Variants in HECW1 observed in about 807,000 individuals in gnomAD.
The protein encoded by HECW1 is HECT, C2 and WW domain containing E3 ubiquitin protein ligase 1, also known as E3 ubiquitin-protein ligase HECW1.
In HECW1, 61 loss-of-function variants were observed where a neutral mutation model predicts 182.3. The observed-to-expected ratio is 0.33, with a 90% CI of 0.27 to 0.41. The LOEUF (loss-of-function observed/expected upper bound fraction) is 0.41. Among genes scored for constraint, HECW1 ranks in the 10% least tolerant of loss-of-function variants. The pLI is 1.00. For synonymous variants in HECW1, 859 were observed against 832.6 expected (o/e 1.03, Z -0.55); for missense variants, 1,739 against 2,108.9 (o/e 0.82, Z 3.44).
At chr7:43,255,241 T>A (rs11760767) in intron 3 of HECW1, among the ~76,000 whole-genome samples, 55,417 of 151,974 alleles carry the variant, frequency 0.36, 11,358 homozygotes, top group African/African-American at 0.56. Flanking sequence ...CTGGAGAGAG[T>A]CAAGTACTGT....
At position 43,467,827 on chromosome 7, in the gene HECW1, G is replaced by A. The variant is rs147538579; in HGVS notation, c.2914-1093G>A. Among the ~76,000 whole-genome samples, 33 of 152,298 alleles carry A rather than the reference G, an allele frequency of 2.2e-4. 1 individual carries two copies. The Middle Eastern group carries it at 0.014, about 63-fold the overall frequency. On this transcript the variant is annotated intron_variant, in intron 15 of 29. Coordinates refer to ENST00000395891, the MANE Select transcript of HECW1 (RefSeq NM_015052.5). ...TGGGCACCTGAGTGAGGCAGTGACC[G>A]CACTAAGCTGGAGGTGGAGTTTGAC...
At chr7:43,357,444 A>G (rs1040520508) in intron 5 of HECW1, among the ~76,000 whole-genome samples, 2 of 152,206 alleles carry the variant, frequency 1.3e-5, no homozygotes, top group Admixed American at 1.3e-4. Flanking sequence ...TCATTATGTT[A>G]AGTGAAATAA....
At chr7:43,556,689 A>G (rs906471096) in intron 29 of HECW1, among the ~76,000 whole-genome samples, 5 of 132,254 alleles carry the variant, frequency 3.8e-5, no homozygotes, top group Non-Finnish European at 9.0e-5. Flanking sequence ...CCTTGTCTCA[A>G]ATTAAATTAA....
intron 2 of HECW1, among the ~76,000 whole-genome samples, chr7:43,187,668 G>T (rs911151741): frequency 2.0e-5 from 3 of 151,884 alleles, no homozygotes; most frequent in South Asian, 2.1e-4. Context: ...TATATTAACC[G>T]TGATAATCTT....
chr7:43,251,159 T>C (rs1004366524), intron 3 of HECW1, among the ~76,000 whole-genome samples: 4 of 152,078 alleles, frequency 2.6e-5, no homozygotes, highest in African/African-American at 9.7e-5. Context: ...CAAGGGGTGG[T>C]GAAGGTGCCA....
chr7:43,338,849 G>A (rs771404659), intron 5 of HECW1, among the ~76,000 whole-genome samples: 3 of 151,702 alleles, frequency 2.0e-5, no homozygotes, highest in Non-Finnish European at 4.4e-5. Flanking sequence ...GTTCCCTTTA[G>A]TATTTCTTTT....
intron 2 of HECW1, among the ~76,000 whole-genome samples, chr7:43,228,604 A>G (rs1389108140): frequency 6.6e-6 from 1 of 152,198 alleles, no homozygotes; most frequent in Non-Finnish European, 1.5e-5. Context: ...TCACTTGGCT[A>G]TGTATTCATA....
chr7:43,507,888 G>A, intron 22 of HECW1, 130 bp from the exon 23 acceptor site: 1 of 623,924 alleles, frequency 1.6e-6, no homozygotes, highest in Non-Finnish European at 2.9e-6. Context: ...CGGAACCTGG[G>A]TCCTGCTCTT....
intron 11 of HECW1, among the ~76,000 whole-genome samples, chr7:43,448,470 T>C (rs2077131912): frequency 6.6e-6 from 1 of 152,186 alleles, no homozygotes. Flanking sequence ...CCAAGTTACC[T>C]AGCTGTTCTG....
At chr7:43,161,323 A>G (rs765674169) in intron 2 of HECW1, among the ~76,000 whole-genome samples, 36 of 152,216 alleles carry the variant, frequency 2.4e-4, no homozygotes, top group Middle Eastern at 6.8e-3. Context: ...AATGTTTTAG[A>G]TTCAGTCTGA....
intron 7 of HECW1, among the ~76,000 whole-genome samples, chr7:43,406,283 G>A (rs1406905302): frequency 6.6e-6 from 1 of 152,150 alleles, no homozygotes; most frequent in African/African-American, 2.4e-5. Context: ...CGACAAACTG[G>A]ATTTGTCTGC....
chr7:43,456,534 C>T (rs758927466), intron 13 of HECW1, 87 bp downstream of exon 13: 117 of 1,332,640 alleles, frequency 8.8e-5, no homozygotes, highest in Non-Finnish European at 1.2e-4. Context: ...CTTTTCTGCT[C>T]AGACTGTATG....
In HECW1 at chr7:43,550,607, C is replaced by G; in HGVS notation, c.4395+16C>G. 1 of 1,585,044 alleles carries G rather than the reference C, an allele frequency of 6.3e-7. No individual in the cohort carries two copies. Among genetic ancestry groups the G allele is most frequent in the Non-Finnish European group, 8.6e-7 (1 of 1,166,560 alleles). On this transcript the variant is annotated intron_variant, in intron 27 of 29. Transcript: ENST00000395891. ...CTTCTACGAGGTGAGGCCCGGTGGC[C>G]TGGGGAAGGCAAGCTGTGGCCAGGG...
At chr7:43,476,048 C>A (rs1484885470) in intron 16 of HECW1, among the ~76,000 whole-genome samples, 2 of 151,628 alleles carry the variant, frequency 1.3e-5, no homozygotes, top group African/African-American at 4.8e-5. Flanking sequence ...AAGTACTCAC[C>A]AATATTACAA....
intron 3 of HECW1, among the ~76,000 whole-genome samples, chr7:43,266,173 T>C (rs1474288354): frequency 6.6e-6 from 1 of 152,180 alleles, no homozygotes; most frequent in Non-Finnish European, 1.5e-5. Flanking sequence ...TCCACCCTCT[T>C]GTCACATGGT....
chr7:43,320,596 T>C (rs776883989), intron 4 of HECW1, 39 bp from the exon 5 acceptor site: 1 of 1,348,752 alleles, frequency 7.4e-7, no homozygotes, highest in South Asian at 1.2e-5. Context: ...TGTTGACTGA[T>C]ATGTTTCTCT....
chr7:43,370,694 A>G (rs565512527), intron 6 of HECW1, among the ~76,000 whole-genome samples: 56 of 152,312 alleles, frequency 3.7e-4, no homozygotes, highest in Admixed American at 2.0e-3. Context: ...CTGCCAAGCT[A>G]TAAAAAGACA....
chr7:43,414,859 A>C (rs1416552974), intron 8 of HECW1, among the ~76,000 whole-genome samples: 1 of 152,046 alleles, frequency 6.6e-6, no homozygotes, highest in Admixed American at 6.5e-5. Flanking sequence ...TCGGTTTACC[A>C]GTATTTTATT....
chr7:43,128,348 A>G (rs1273049908), intron 2 of HECW1, among the ~76,000 whole-genome samples: 1 of 152,220 alleles, frequency 6.6e-6, no homozygotes, highest in Admixed American at 6.5e-5. Flanking sequence ...GCCAATGCCC[A>G]TTTACCATAT....
Sources: allele counts gnomAD v4.1 joint callset (sites outside exome capture counted in the v4.1 genomes callset), GRCh38; gene constraint gnomAD v4.1.1; transcripts MANE v1.5; gene names NCBI Gene and HGNC (gene_info 2026-07-23, HGNC 2026-07-21).